NAF1: variants seen among roughly 807,000 people sequenced by gnomAD.
The protein encoded by NAF1 is nuclear assembly factor 1 ribonucleoprotein.
In NAF1, 11 loss-of-function variants were observed where a neutral mutation model predicts 40.6. The ratio of observed to expected loss-of-function variants is 0.27; its 90% CI spans 0.17 to 0.45. The LOEUF is 0.45. Ranked by LOEUF, NAF1 falls within the 20% of genes least tolerant of loss-of-function variation. The probability of loss-of-function intolerance (pLI) is 1.00; values close to 1 mark genes in which losing one functional copy is unlikely to be tolerated. For missense variants in NAF1, 607 were observed against 611.1 expected (o/e 0.99, Z 0.07); for synonymous variants, 260 against 228.5 (o/e 1.14, Z -1.24).
At chr4:163,116,202 G>A (rs1470295631) in intron 2 of NAF1, among the ~76,000 whole-genome samples, 1 of 152,054 alleles carries the variant, frequency 6.6e-6, no homozygotes, top group South Asian at 2.1e-4. Flanking sequence ...CTAATTAATA[G>A]GTCCAAAAAT....
intron 3 of NAF1, 128 bp downstream of exon 3, chr4:163,148,213 A>G: frequency 2.2e-6 from 1 of 459,868 alleles, no homozygotes; most frequent in Non-Finnish European, 3.9e-6. Flanking sequence ...TATCCCTTCA[A>G]ACTTAATGAC....
intron 2 of NAF1, among the ~76,000 whole-genome samples, chr4:163,153,420 C>T (rs1336190437): frequency 3.3e-5 from 5 of 152,222 alleles, no homozygotes; most frequent in Admixed American, 6.5e-5. Context: ...CACCAATCGA[C>T]ACTCTGTATC....
At chr4:163,140,533 T>C in intron 4 of NAF1, 150 bp from the exon 5 acceptor site, 1 of 618,294 alleles carries the variant, frequency 1.6e-6, no homozygotes, top group Non-Finnish European at 2.7e-6. Flanking sequence ...TAGTTATATT[T>C]ATGTCATTTT....
chr4:163,143,855 G>A (rs962511880), intron 4 of NAF1: 5 of 190,246 alleles, frequency 2.6e-5, no homozygotes, highest in African/African-American at 1.2e-4. Flanking sequence ...ATCACTTTGT[G>A]CTTTTTTCAA....
At chr4:163,162,388 C>A (rs1732264327) in intron 2 of NAF1, among the ~76,000 whole-genome samples, 1 of 152,166 alleles carries the variant, frequency 6.6e-6, no homozygotes, top group Non-Finnish European at 1.5e-5. Context: ...TCTAGCAGCA[C>A]AGTGGTCTGA....
chr4:163,161,303 T>C (rs552115002), intron 2 of NAF1, among the ~76,000 whole-genome samples: 1 of 152,132 alleles, frequency 6.6e-6, no homozygotes, highest in African/African-American at 2.4e-5. Context: ...CAAAACCCTG[T>C]CTCTACTAAA....
the NAF1 span, among the ~76,000 whole-genome samples, chr4:163,104,151 C>A: frequency 6.6e-6 from 1 of 152,088 alleles, no homozygotes; most frequent in African/African-American, 2.4e-5. Context: ...AGGTTAATCG[C>A]TCAGTTAAGG....
chr4:163,157,439 G>T (rs1233933753), intron 2 of NAF1: 1 of 151,754 alleles, frequency 6.6e-6, no homozygotes, highest in East Asian at 1.9e-4. Context: ...TTTCTTTCTG[G>T]TTTCATTTTT....
At chr4:163,124,618 G>A (rs1157184543), downstream of NAF1, among the ~76,000 whole-genome samples, 1 of 151,988 alleles carries the variant, frequency 6.6e-6, no homozygotes, top group African/African-American at 2.4e-5. Context: ...ATATGTTTTC[G>A]ATCCACAATT....
intron 7 of NAF1, among the ~76,000 whole-genome samples, chr4:163,132,785 A>T (rs1008632725): frequency 6.6e-6 from 1 of 152,266 alleles, no homozygotes; most frequent in Non-Finnish European, 1.5e-5. Flanking sequence ...ATCTATGGTT[A>T]TCTCAGAAAG....
At chr4:163,122,203 A>G (rs1407743033), downstream of NAF1, among the ~76,000 whole-genome samples, 1 of 152,192 alleles carries the variant, frequency 6.6e-6, no homozygotes, top group Non-Finnish European at 1.5e-5. Context: ...AATTTTAAAT[A>G]CCACTTCTTT....
chr4:163,109,799 T>C (rs1452500363), downstream of NAF1, among the ~76,000 whole-genome samples: 1 of 152,186 alleles, frequency 6.6e-6, no homozygotes, highest in Non-Finnish European at 1.5e-5. Flanking sequence ...TCTGCATAGA[T>C]ATAGAGATTA....
chr4:163,147,756 T>C (rs1731530164), intron 3 of NAF1, among the ~76,000 whole-genome samples: 1 of 152,088 alleles, frequency 6.6e-6, no homozygotes, highest in Non-Finnish European at 1.5e-5. Flanking sequence ...ATTATGCAGG[T>C]AAACTCAATC....
At position 163,155,274 on chromosome 4, in the gene NAF1, C is replaced by T. The variant is rs552327046; in HGVS notation, c.541-6840G>A. On this transcript the variant is annotated intron_variant, in intron 2 of 7. Transcript: ENST00000274054. ...TACTTAATGTCTATTTCTCTAACTA[C>T]ACAATAAATCCAACCATAACTAAGA... Among the ~76,000 whole-genome samples, 57 of 152,316 alleles carry T rather than the reference C, an allele frequency of 3.7e-4. No homozygotes were observed. In the South Asian group the frequency reaches 8.7e-3, roughly 23 times the overall value.
chr4:163,118,758 A>C (rs974740923), intron 2 of NAF1, among the ~76,000 whole-genome samples: 4 of 152,228 alleles, frequency 2.6e-5, no homozygotes, highest in Admixed American at 1.3e-4. Context: ...GTCTCAAAAA[A>C]AGAAAAAAAA....
rs557222964 is a variant in NAF1, at chr4:163,129,763, T to C, written c.1034-415A>G. On this transcript the variant is annotated intron_variant, in intron 7 of 7. Transcript: ENST00000274054. The stretch of plus-strand genomic sequence containing the variant: ...CTCCCTGCAAACAATGAACATCACA[T>C]GGGGAACCTGAACTTCCACCTCCAC... 3.3e-5 allele frequency among the ~76,000 whole-genome samples: 5 copies of C among 152,272 alleles called. No individual in the cohort carries two copies. The East Asian group carries it at 9.7e-4, about 29-fold the overall frequency.
chr4:163,132,461 T>C lies in NAF1; in HGVS notation c.1033+693A>G, dbSNP rs561665238. On this transcript the variant is annotated intron_variant, in intron 7 of 7. Transcript: ENST00000274054. ...GATACTACGCTCAGTGGCAAAAGCC[T>C]TTCCCTAATCGTACTACAGTGTATA... Among the ~76,000 whole-genome samples the C allele has an allele frequency of 6.6e-5, 10 of 152,332 alleles. No homozygotes were observed. The East Asian group carries it at 1.9e-3, about 29-fold the overall frequency.
intron 4 of NAF1, among the ~76,000 whole-genome samples, chr4:163,140,829 C>G (rs910373857): frequency 1.3e-5 from 2 of 152,144 alleles, no homozygotes; most frequent in Non-Finnish European, 2.9e-5. Context: ...AGTTAAATCA[C>G]TTTTGCTGTT....
downstream of NAF1, among the ~76,000 whole-genome samples, chr4:163,124,770 G>C (rs1273090017): frequency 6.6e-6 from 1 of 152,158 alleles, no homozygotes; most frequent in African/African-American, 2.4e-5. Context: ...TCTGTAGATA[G>C]TAAACATCCA....
Sources: allele counts gnomAD v4.1 joint callset (sites outside exome capture counted in the v4.1 genomes callset), GRCh38; gene constraint gnomAD v4.1.1; transcripts MANE v1.5; gene names NCBI Gene and HGNC (gene_info 2026-07-23, HGNC 2026-07-21).